LMLN: variants seen among roughly 807,000 people sequenced by gnomAD.
LMLN encodes leishmanolysin like peptidase.
LMLN carries 70 observed loss-of-function variants against 92.3 expected under a neutral mutation model. The observed-to-expected ratio is 0.76, with a 90% CI of 0.63 to 0.92. LMLN has a LOEUF of 0.92. LMLN is among the 40% of genes least tolerant of loss of function. LMLN has a pLI of 0.00. For synonymous variants in LMLN, 308 were observed against 296.2 expected (o/e 1.04, Z -0.41); for missense variants, 691 against 814.6 (o/e 0.85, Z 1.85).
At chr3:198,035,192 C>CCCCA (rs1412917765) in intron 14 of LMLN, among the ~76,000 whole-genome samples, 2 of 134,150 alleles carry the variant, frequency 1.5e-5, no homozygotes, top group African/African-American at 6.3e-5. Flanking sequence ...CAGAGCAAGA[C>CCCCA]CCCATCTCAA....
At chr3:197,969,125 A>G (rs1163513019) in intron 1 of LMLN, among the ~76,000 whole-genome samples, 1 of 151,004 alleles carries the variant, frequency 6.6e-6, no homozygotes, top group Non-Finnish European at 1.5e-5. Context: ...TCTGTTGCCT[A>G]GTTTGAAGTG....
intron 9 of LMLN, among the ~76,000 whole-genome samples, chr3:197,994,950 G>A (rs1303603245): frequency 6.6e-6 from 1 of 152,184 alleles, no homozygotes; most frequent in Non-Finnish European, 1.5e-5. Context: ...TACAGAATCA[G>A]CCTAAGTGTC....
chr3:197,984,895 T>G (rs1271244386), intron 7 of LMLN, among the ~76,000 whole-genome samples: 2 of 151,930 alleles, frequency 1.3e-5, no homozygotes, highest in Non-Finnish European at 2.9e-5. Context: ...CAGGCAGGTC[T>G]TGAACTCCCG....
chr3:198,021,684 C>A, intron 13 of LMLN, 79 bp downstream of exon 14: 1 of 1,274,344 alleles, frequency 7.8e-7, no homozygotes. Context: ...GTTAAGGGCA[C>A]AGACCCTAGA....
At chr3:197,980,399 A>G (rs1205810482) in exon 6 of LMLN, 2 of 1,614,004 alleles carry the variant, frequency 1.2e-6, no homozygotes, top group Non-Finnish European at 1.7e-6. Flanking sequence ...GGCATCTCAG[A>G]TGCAGACTTT....
intron 9 of LMLN, among the ~76,000 whole-genome samples, chr3:197,995,644 C>T (rs1166164479): frequency 1.2e-4 from 18 of 150,136 alleles, no homozygotes; most frequent in Non-Finnish European, 2.2e-4. Flanking sequence ...CTTTTTTTTT[C>T]TTTTTTTTTG....
At position 198,003,136 on chromosome 3, in the gene LMLN, AT is replaced by A; in HGVS notation, c.1232+3797del. On this transcript the variant is annotated intron_variant, in intron 11 of 15. Coordinates refer to ENST00000330198, the Ensembl canonical transcript of LMLN. ...TCAGCAGAGACAAAAGTAAGAATGCATTTCCTCACAGTGTCACTGATTACAC... is the reference window on the plus strand; with the variant it reads ...TCAGCAGAGACAAAAGTAAGAATGCATTCCTCACAGTGTCACTGATTACAC... 7.0e-7 allele frequency: 1 copy of A among 1,418,890 alleles called. No individual in the cohort carries two copies. The highest frequency in any genetic ancestry group is 9.7e-7 in the Non-Finnish European group (1 of 1,026,944). The allele number at this position is 1,418,890 out of a possible 1,614,324, so 87.9% of individuals were successfully genotyped here.
intron 7 of LMLN, among the ~76,000 whole-genome samples, chr3:197,984,444 G>A (rs1260689590): frequency 6.6e-6 from 1 of 152,026 alleles, no homozygotes; most frequent in East Asian, 1.9e-4. Flanking sequence ...AATACTGAAA[G>A]GCCTTTGGAA....
intron 12 of LMLN, among the ~76,000 whole-genome samples, chr3:198,020,008 A>C (rs775638784): frequency 6.6e-6 from 1 of 152,046 alleles, no homozygotes; most frequent in Non-Finnish European, 1.5e-5. Flanking sequence ...TTACAGCTGC[A>C]AGCCACCATG....
intron 15 of LMLN, among the ~76,000 whole-genome samples, chr3:198,037,802 T>C (rs934402828): frequency 6.6e-6 from 1 of 152,224 alleles, no homozygotes; most frequent in African/African-American, 2.4e-5. Context: ...AATTAAAATA[T>C]ACCTCTAGTG....
intron 11 of LMLN, among the ~76,000 whole-genome samples, chr3:198,006,939 C>T (rs1458243868): frequency 6.6e-6 from 1 of 152,174 alleles, no homozygotes; most frequent in East Asian, 1.9e-4. Flanking sequence ...TCTCGAACTC[C>T]TGACCTCGTG....
At chr3:198,020,936 T>TAA (rs1560152935) in intron 12 of LMLN, among the ~76,000 whole-genome samples, 1 of 151,310 alleles carries the variant, frequency 6.6e-6, no homozygotes, top group Non-Finnish European at 1.5e-5. Flanking sequence ...AAATTAATTT[T>TAA]AAAAAAAAGG....
At chr3:198,012,489 C>T (rs1722473911) in intron 11 of LMLN, among the ~76,000 whole-genome samples, 1 of 152,074 alleles carries the variant, frequency 6.6e-6, no homozygotes, top group Non-Finnish European at 1.5e-5. Context: ...AATTCACCAC[C>T]ATATCAGTCT....
chr3:197,984,795 C>T (rs1721656399), intron 7 of LMLN, among the ~76,000 whole-genome samples: 1 of 151,902 alleles, frequency 6.6e-6, no homozygotes, highest in Non-Finnish European at 1.5e-5. Flanking sequence ...CCCACCTCAA[C>T]CTCCAGAGTA....
At chr3:198,001,362 A>C (rs1305240133) in intron 11 of LMLN, among the ~76,000 whole-genome samples, 2 of 152,340 alleles carry the variant, frequency 1.3e-5, no homozygotes, top group African/African-American at 2.4e-5. Flanking sequence ...AACGGTTATC[A>C]GGAAGGTCTC....
chr3:198,037,978 C>T (rs1723279569), intron 15 of LMLN, among the ~76,000 whole-genome samples: 1 of 151,666 alleles, frequency 6.6e-6, no homozygotes. Flanking sequence ...TGCATCCTCA[C>T]AGTCCGTCTG....
chr3:197,974,398 A>G, exon 2 of LMLN: 1 of 1,594,814 alleles, frequency 6.3e-7, no homozygotes, highest in Non-Finnish European at 8.6e-7. Context: ...AGTTCATCTT[A>G]AGGCAAATCA....
chr3:197,979,635 G>A (rs1163846196), intron 5 of LMLN, among the ~76,000 whole-genome samples: 1 of 152,104 alleles, frequency 6.6e-6, no homozygotes, highest in Admixed American at 6.6e-5. Flanking sequence ...GGCCTATATG[G>A]TGAAACCCTG....
exon 4 of LMLN, chr3:197,976,088 T>C (rs1401458953): frequency 6.2e-7 from 1 of 1,607,488 alleles, no homozygotes; most frequent in East Asian, 2.2e-5. Flanking sequence ...TCCGTCGACC[T>C]GCGGGCACTA....
Sources: allele counts gnomAD v4.1 joint callset (sites outside exome capture counted in the v4.1 genomes callset), GRCh38; gene constraint gnomAD v4.1.1; transcripts MANE v1.5; gene names NCBI Gene and HGNC (gene_info 2026-07-23, HGNC 2026-07-21).